Variants in TPST1 observed in about 807,000 individuals in gnomAD.
TPST1 encodes the protein tyrosylprotein sulfotransferase 1, also known as protein-tyrosine sulfotransferase 1.
In TPST1, 20 loss-of-function variants were observed where a neutral mutation model predicts 34.8. The observed-to-expected ratio is 0.57, with a 90% CI of 0.40 to 0.84. The LOEUF is 0.84. Ranked by LOEUF, TPST1 falls within the 40% of genes least tolerant of loss-of-function variation. The pLI is 0.00. For missense variants in TPST1, 353 were observed against 455.5 expected, an observed-to-expected ratio of 0.78 and a Z score of 2.05; for synonymous variants, 152 against 159.4, an observed-to-expected ratio of 0.95 and a Z score of 0.35.
Position 66,340,069 on chromosome 7 carries a change from C to T in TPST1, c.1045-12436C>T, listed in dbSNP as rs368128920. ...AACATACTTCGGTGAGGTGTAGTGG[C>T]TCATGCCTGTAATCCCAGCAATTTG... On this transcript the variant is annotated intron_variant, in intron 3 of 5. Transcript: ENST00000304842. 2.6e-5 allele frequency among the ~76,000 whole-genome samples: 4 copies of T among 152,070 alleles called. No individual in the cohort carries two copies. In the South Asian group the frequency reaches 6.2e-4, roughly 24 times the overall value.
intron 3 of TPST1, among the ~76,000 whole-genome samples, chr7:66,299,298 G>GT (rs1251331142): frequency 1.3e-4 from 12 of 95,068 alleles, no homozygotes; most frequent in African/African-American, 4.7e-4. Context: ...AATGCTCTTA[G>GT]GTTTTTTTTT....
At chr7:66,218,788 A>G (rs1414056365) in intron 1 of TPST1, among the ~76,000 whole-genome samples, 1 of 151,914 alleles carries the variant, frequency 6.6e-6, no homozygotes, top group African/African-American at 2.4e-5. Context: ...TGGAGCTTGC[A>G]GTGAGCTGCG....
chr7:66,286,769 C>CG, intron 3 of TPST1, 60 bp downstream of exon 3: 1 of 1,277,828 alleles, frequency 7.8e-7, no homozygotes, highest in Non-Finnish European at 1.0e-6. Context: ...GATCTGAATA[C>CG]GTTTTTTTCT....
At chr7:66,330,442 A>G (rs186796594) in intron 3 of TPST1, among the ~76,000 whole-genome samples, 80 of 152,246 alleles carry the variant, frequency 5.3e-4, no homozygotes, top group African/African-American at 1.8e-3. Context: ...TCTTTCCCTC[A>G]ATTTCTCTGT....
intron 3 of TPST1, among the ~76,000 whole-genome samples, chr7:66,339,372 AC>A (rs1349940123): frequency 1.3e-5 from 2 of 152,178 alleles, no homozygotes; most frequent in African/African-American, 4.8e-5. Flanking sequence ...AAGTCTCTCA[AC>A]CAAGAAAAGC....
chr7:66,332,201 T>C lies in TPST1; in HGVS notation c.1045-20304T>C, dbSNP rs77980817. Among the ~76,000 whole-genome samples the C allele has an allele frequency of 0.033, 4,959 of 152,180 alleles. 117 individuals carry two copies. The highest frequency in any genetic ancestry group is 0.05 in the Non-Finnish European group (3,427 of 68,014). On this transcript the variant is annotated intron_variant, in intron 3 of 5. Coordinates refer to ENST00000304842, the MANE Select transcript of TPST1 (RefSeq NM_003596.4). This position sits in a 1 kb window ranked among gnomAD's most constrained non-coding sequence, Gnocchi z 4.5. ...AGTTGGGGACTACTGCTATAGAGAATTGGATCTGCGGTCTACAAGTAATGT... is the reference window on the plus strand; with the variant it reads ...AGTTGGGGACTACTGCTATAGAGAACTGGATCTGCGGTCTACAAGTAATGT...
At chr7:66,201,977 T>A (rs1789039699), upstream of TPST1, among the ~76,000 whole-genome samples, 1 of 152,110 alleles carries the variant, frequency 6.6e-6, no homozygotes. Context: ...TCCTTCAGTT[T>A]CCCTCCCAGA....
At position 66,286,879 on chromosome 7, in the gene TPST1, GT is replaced by G. The variant is rs1246326939; in HGVS notation, c.1044+174del. 7.1e-5 allele frequency among the ~76,000 whole-genome samples: 9 copies of G among 127,622 alleles called. No homozygotes were observed. The East Asian group carries it at 1.3e-3, about 19-fold the overall frequency. The allele number at this position is 127,622 out of a possible 152,430, so 83.7% of individuals were successfully genotyped here. On this transcript the variant is annotated intron_variant, in intron 3 of 5. Coordinates refer to ENST00000304842, the MANE Select transcript of TPST1 (RefSeq NM_003596.4). The stretch of plus-strand genomic sequence containing the variant: ...TTTTATTTTTTTTATTATACTCTAA[GT>G]TTTAGGGTACATGTGCACATTGTGC...
intron 1 of TPST1, among the ~76,000 whole-genome samples, chr7:66,234,239 C>T (rs181697217): frequency 6.6e-6 from 1 of 152,298 alleles, no homozygotes; most frequent in East Asian, 1.9e-4. Context: ...TTGGAATGCT[C>T]TTCCCTTCAC....
intron 2 of TPST1, among the ~76,000 whole-genome samples, chr7:66,252,708 A>G (rs1790293230): frequency 6.6e-6 from 1 of 152,202 alleles, no homozygotes; most frequent in African/African-American, 2.4e-5. Flanking sequence ...AAGAAAAATA[A>G]GAAAAATCTT....
chr7:66,280,681 T>C (rs1790915823), intron 2 of TPST1, among the ~76,000 whole-genome samples: 3 of 152,166 alleles, frequency 2.0e-5, no homozygotes, highest in African/African-American at 7.2e-5. Flanking sequence ...CCTGGTCTTA[T>C]TCTGGTTCTC....
intron 1 of TPST1, among the ~76,000 whole-genome samples, chr7:66,211,990 G>A (rs1789272978): frequency 6.6e-6 from 1 of 151,962 alleles, no homozygotes; most frequent in South Asian, 2.1e-4. Flanking sequence ...AAAAAACCCC[G>A]AAACAATCTT....
Position 66,262,755 on chromosome 7 carries a change from G to A in TPST1, c.845+21485G>A, listed in dbSNP as rs572437254. ...GATGGCAGGTGTGATACTGGGAAGG[G>A]GGAATCTGCTTGCTGATAAGGAAAT... On this transcript the variant is annotated intron_variant, in intron 2 of 5. Coordinates refer to ENST00000304842, the MANE Select transcript of TPST1 (RefSeq NM_003596.4). Among the ~76,000 whole-genome samples the A allele has an allele frequency of 1.6e-4, 25 of 152,230 alleles. No individual in the cohort carries two copies. In the South Asian group the frequency reaches 5.0e-3, roughly 30 times the overall value.
intron 1 of TPST1, among the ~76,000 whole-genome samples, chr7:66,238,649 G>T (rs1789961491): frequency 6.6e-6 from 1 of 151,950 alleles, no homozygotes; most frequent in Non-Finnish European, 1.5e-5. Flanking sequence ...TATTATGGAG[G>T]GTAATCCACT....
In TPST1 at chr7:66,327,596, G is replaced by A. The variant is rs961942725; in HGVS notation, c.1045-24909G>A. Reference sequence around the variant, plus strand: ...AAATTAGCTAGGTGTGGTGGCAGGTGCCCATAGTCCTAGCTACTCAGGAGG... The same window carrying A: ...AAATTAGCTAGGTGTGGTGGCAGGTACCCATAGTCCTAGCTACTCAGGAGG... On this transcript the variant is annotated intron_variant, in intron 3 of 5. Transcript: ENST00000304842. 2.6e-5 allele frequency among the ~76,000 whole-genome samples: 4 copies of A among 152,042 alleles called. No individual in the cohort carries two copies. In the South Asian group the frequency reaches 8.3e-4, roughly 32 times the overall value.
At chr7:66,272,125 T>A (rs1200990012) in intron 2 of TPST1, among the ~76,000 whole-genome samples, 1 of 152,184 alleles carries the variant, frequency 6.6e-6, no homozygotes, top group Non-Finnish European at 1.5e-5. Context: ...AATAGATTGT[T>A]CAATTTCTTC....
chr7:66,276,185 A>G (rs994834687), intron 2 of TPST1, among the ~76,000 whole-genome samples: 2 of 151,622 alleles, frequency 1.3e-5, no homozygotes, highest in Non-Finnish European at 2.9e-5. Flanking sequence ...GTCAATATAT[A>G]GATTAAAAAA....
intron 3 of TPST1, among the ~76,000 whole-genome samples, chr7:66,303,874 G>T (rs930390387): frequency 6.6e-6 from 1 of 152,132 alleles, no homozygotes; most frequent in African/African-American, 2.4e-5. Context: ...AAAAGAATAT[G>T]CCAGGAACCA....
At chr7:66,214,021 GAT>G (rs1789334591) in intron 1 of TPST1, among the ~76,000 whole-genome samples, 1 of 152,088 alleles carries the variant, frequency 6.6e-6, no homozygotes, top group Non-Finnish European at 1.5e-5. Context: ...GCTTTATTGA[GAT>G]ATAATTCACA....
Sources: gnomAD v4.1 joint callset for allele counts (sites outside exome capture counted in the v4.1 genomes callset) on GRCh38, gnomAD v4.1.1 for gene constraint, Gnocchi (gnomAD v3.1) non-coding constraint, MANE v1.5 for transcripts, NCBI Gene and HGNC (gene_info 2026-07-23, HGNC 2026-07-21) for gene names.